Variants in CDC23 observed in about 807,000 individuals in gnomAD.
The protein encoded by CDC23 is cell division cycle 23, also known as cell division cycle protein 23 homolog.
In CDC23, 26 loss-of-function variants were observed where a neutral mutation model predicts 81.7. The ratio of observed to expected loss-of-function variants is 0.32; its 90% CI spans 0.23 to 0.44. The LOEUF (loss-of-function observed/expected upper bound fraction) is 0.44, where lower values mean the gene tolerates loss of function less well. Among genes scored for constraint, CDC23 ranks in the 20% least tolerant of loss-of-function variants. The pLI, the probability that CDC23 is intolerant of heterozygous loss-of-function variation, is 1.00. For missense variants in CDC23, 519 were observed against 728.0 expected (o/e 0.71, Z 3.30); for synonymous variants, 267 against 270.8 (o/e 0.99, Z 0.14).
Position 138,198,527 on chromosome 5 carries a change from C to A in CDC23, c.833-4G>T, listed in dbSNP as rs1754944671. ...ATGGAGAGGGCTTTGTCAATATCTG[C>A]AGAAAGAAGATAGTTCAGAAAACAG... is the stretch of plus-strand genomic sequence containing the variant. On this transcript the variant is annotated splice_region_variant and splice_polypyrimidine_tract_variant and intron_variant, in intron 7 of 15. Transcript: ENST00000394886. 1 of 1,613,612 alleles carries A rather than the reference C, an allele frequency of 6.2e-7. No individual in the cohort carries two copies. The highest frequency in any genetic ancestry group is 1.7e-5 in the Admixed American group (1 of 59,974).
At chr5:138,195,747 G>GTATATATATACATATAATATATATGTA (rs1561634161) in intron 9 of CDC23, among the ~76,000 whole-genome samples, 4 of 106,780 alleles carry the variant, frequency 3.7e-5, no homozygotes, top group African/African-American at 1.5e-4. Flanking sequence ...TAATATATAT[G>GTATATATATACATATAATATATATGTA]TATATATATA....
intron 4 of CDC23, among the ~76,000 whole-genome samples, chr5:138,201,718 G>A (rs1328657692): frequency 6.6e-6 from 1 of 152,060 alleles, no homozygotes; most frequent in African/African-American, 2.4e-5. Flanking sequence ...CAAACACAAG[G>A]TACCAATGAT....
chr5:138,192,620 T>C lies in CDC23; in HGVS notation c.1050A>G (p.Ala350=), dbSNP rs1267952010. Residue 350 remains alanine (A), a synonymous_variant, in exon 10 of 16, where the codon GCA becomes GCG. Coordinates refer to ENST00000394886, the MANE Select transcript of CDC23 (RefSeq NM_004661.4). The stretch of plus-strand genomic sequence containing the variant: ...TCAGGGCTCTCTGGAAATATAAGGC[T>C]GCTTTCTCATGCTGAGAACGTAAAC... ...YYSLRSQHEK[A]ALYFQRALKL... The C allele has an allele frequency of 6.2e-7, 1 of 1,613,870 alleles. No homozygotes were observed. The highest frequency in any genetic ancestry group is 8.5e-7 in the Non-Finnish European group (1 of 1,179,978).
intron 3 of CDC23, 149 bp downstream of exon 3, chr5:138,206,398 T>C: frequency 1.3e-6 from 1 of 774,396 alleles, no homozygotes; most frequent in South Asian, 1.6e-5. Flanking sequence ...TTAACTTTAT[T>C]TATGATATCT....
rs111345338 is a variant in CDC23, at chr5:138,209,528, C to T, written c.235-2844G>A. On this transcript the variant is annotated intron_variant, in intron 2 of 15. Transcript: ENST00000394886. The stretch of plus-strand genomic sequence containing the variant: ...TGCTTCTTTGGTAATGTTTATAAAA[C>T]ACTGAGAGTAAGCAAGCCGGGTGTG... Among the ~76,000 whole-genome samples the T allele has an allele frequency of 1.2e-3, 180 of 151,410 alleles. 3 individuals are homozygous for T. Among genetic ancestry groups the T allele is most frequent in the African/African-American group, 4.1e-3 (171 of 41,262 alleles).
Position 138,204,920 on chromosome 5 carries a change from C to CT in CDC23, c.372+1626dup, listed in dbSNP as rs1276497047. Reference sequence around the variant, plus strand: ...CCGCGCCCGGACTTTTTCTTTCTTTCTTTTTTTTTTTGGTGACAGGGTCTT... The same window carrying CT: ...CCGCGCCCGGACTTTTTCTTTCTTTCTTTTTTTTTTTTGGTGACAGGGTCTT... On this transcript the variant is annotated intron_variant, in intron 3 of 15. Coordinates refer to ENST00000394886, the MANE Select transcript of CDC23 (RefSeq NM_004661.4). 3.5e-3 allele frequency among the ~76,000 whole-genome samples: 494 copies of CT among 139,616 alleles called. 2 individuals are homozygous for CT. The highest frequency in any genetic ancestry group is 0.01 in the South Asian group (44 of 4,384). The allele number at this position is 139,616 out of a possible 152,430, so 91.6% of individuals were successfully genotyped here.
At chr5:138,196,958 C>T (rs1287724183) in intron 9 of CDC23, among the ~76,000 whole-genome samples, 2 of 145,822 alleles carry the variant, frequency 1.4e-5, no homozygotes, top group African/African-American at 2.6e-5. Flanking sequence ...TGGGGTTGCC[C>T]AGGCTGGACT....
Position 138,188,885 on chromosome 5 carries a change from G to T in CDC23, c.*93C>A. The T allele has an allele frequency of 1.6e-6, 2 of 1,254,736 alleles. No individual in the cohort carries two copies. The highest frequency in any genetic ancestry group is 2.2e-6 in the Non-Finnish European group (2 of 910,708). The allele number at this position is 1,254,736 out of a possible 1,614,324, so 77.7% of individuals were successfully genotyped here. On this transcript the variant is annotated 3_prime_UTR_variant, in exon 16 of 16. Transcript: ENST00000394886. ...GTTGCCATCTGTAGAAACAAGAAGA[G>T]CTGAGGTCCTTGGAACAGACGTGCT...
chr5:138,192,372 T>G lies in CDC23; in HGVS notation c.1183A>C (p.Asn395His). 6.2e-7 allele frequency: 1 copy of G among 1,614,208 alleles called. No individual in the cohort carries two copies. Among genetic ancestry groups the G allele is most frequent in the Non-Finnish European group, 8.5e-7 (1 of 1,180,044 alleles). ...TACCAAGCTCTGTAGTCCCGTTTGTTGACCTCAATGGCATGTCTAAGAAAT... is the reference window on the plus strand; with the variant it reads ...TACCAAGCTCTGTAGTCCCGTTTGTGGACCTCAATGGCATGTCTAAGAAAT... ...IQAYRHAIEV[N>H]KRDYRAWYGL... is the part of the protein sequence containing the mutation. The change falls in exon 11 of 16, where the codon AAC becomes CAC. Residue 395 changes from asparagine to histidine, a missense_variant. Around this residue, in one of 4 missense-constraint regions of CDC23, gnomAD observed 175 missense variants for 337.8 expected, o/e 0.52. Transcript: ENST00000394886.
At chr5:138,203,740 C>T (rs533430134) in intron 3 of CDC23, among the ~76,000 whole-genome samples, 4 of 152,022 alleles carry the variant, frequency 2.6e-5, no homozygotes, top group African/African-American at 7.2e-5. Flanking sequence ...GGCGAAACCC[C>T]GTCCCTACTA....
chr5:138,204,933 G>A lies in CDC23; in HGVS notation c.372+1614C>T, dbSNP rs74354422. On this transcript the variant is annotated intron_variant, in intron 3 of 15. Coordinates refer to ENST00000394886, the MANE Select transcript of CDC23 (RefSeq NM_004661.4). ...TTTTCTTTCTTTCTTTTTTTTTTTG[G>A]TGACAGGGTCTTGCTCTGTTGCCCA... Among the ~76,000 whole-genome samples, 331 of 149,496 alleles carry A rather than the reference G, an allele frequency of 2.2e-3. 9 individuals are homozygous for A. The East Asian group carries it at 0.057, about 26-fold the overall frequency.
At chr5:138,198,311 T>A (rs761222789) in intron 8 of CDC23, 31 bp from the exon 9 acceptor site, 53 of 1,598,202 alleles carry the variant, frequency 3.3e-5, no homozygotes, top group Non-Finnish European at 4.5e-5. Flanking sequence ...AATATAAGCA[T>A]GAAAAAAGAA....
chr5:138,207,733 A>G (rs1282213725), intron 2 of CDC23, among the ~76,000 whole-genome samples: 2 of 152,098 alleles, frequency 1.3e-5, no homozygotes, highest in African/African-American at 4.8e-5. Flanking sequence ...GGGCAAGAGG[A>G]TGGCTTGAAC....
At chr5:138,193,071 A>G (rs1454074434) in intron 9 of CDC23, among the ~76,000 whole-genome samples, 1 of 152,184 alleles carries the variant, frequency 6.6e-6, no homozygotes, top group African/African-American at 2.4e-5. Context: ...CTGGGAGCAC[A>G]GGCACATGCC....
Position 138,201,366 on chromosome 5 carries a change from T to C in CDC23, c.498A>G (p.Glu166=), listed in dbSNP as rs1187512296. 8 of 1,613,938 alleles carry C rather than the reference T, an allele frequency of 5.0e-6. No individual in the cohort carries two copies. The highest frequency in any genetic ancestry group is 6.8e-6 in the Non-Finnish European group (8 of 1,179,836). Residue 166 remains glutamate, a synonymous_variant, in exon 5 of 16, where the codon GAA becomes GAG. Transcript: ENST00000394886. ...ACAGATAAAGTCCAAATCCATCAAGTTCTCGAGCTTGGTGTTTTTTGCTGA... is the reference window on the plus strand; with the variant it reads ...ACAGATAAAGTCCAAATCCATCAAGCTCTCGAGCTTGGTGTTTTTTGCTGA... The part of the protein sequence containing the change: ...VELSKKHQAR[E]LDGFGLYLYG...
intron 4 of CDC23, among the ~76,000 whole-genome samples, chr5:138,201,749 T>C (rs1174072732): frequency 6.6e-6 from 1 of 152,234 alleles, no homozygotes; most frequent in African/African-American, 2.4e-5. Flanking sequence ...ACCCATTTAC[T>C]GTATTCCAGA....
At chr5:138,195,562 ATATATTT>A (rs1480742246) in intron 9 of CDC23, among the ~76,000 whole-genome samples, 2 of 91,124 alleles carry the variant, frequency 2.2e-5, no homozygotes, top group African/African-American at 8.5e-5. Flanking sequence ...ATTATATATA[ATATATTT>A]ATATATAATA....
intron 6 of CDC23, among the ~76,000 whole-genome samples, chr5:138,199,192 A>G (rs986664742): frequency 6.6e-6 from 1 of 152,222 alleles, no homozygotes; most frequent in African/African-American, 2.4e-5. Flanking sequence ...AGAAAAATCA[A>G]ACTGAACTGG....
At chr5:138,195,712 TAATATATATGTATATATATACATATAA>T (rs1754888662) in intron 9 of CDC23, among the ~76,000 whole-genome samples, 1 of 65,538 alleles carries the variant, frequency 1.5e-5, no homozygotes, top group Admixed American at 2.2e-4. Context: ...TATATACATA[TAATATATATGTATATATATACATATAA>T]TATATATGTA....
Sources: allele counts gnomAD v4.1 joint callset (sites outside exome capture counted in the v4.1 genomes callset), GRCh38; gene constraint gnomAD v4.1.1; regional missense constraint gnomAD v4.1.1; transcripts MANE v1.5; gene names NCBI Gene and HGNC (gene_info 2026-07-23, HGNC 2026-07-21).